BRD10: variants seen among roughly 807,000 people sequenced by gnomAD.
The protein encoded by BRD10 is uncharacterized bromodomain-containing protein 10.
At chr9:6,007,499 G>A in the BRD10 span, 7 of 1,612,546 alleles carry the variant, frequency 4.3e-6, no homozygotes, top group Non-Finnish European at 5.9e-6. Flanking sequence ...GGGGCGGTGA[G>A]GCCCCGGTGC....
chr9:5,987,890 G>A, the BRD10 span, among the ~76,000 whole-genome samples: 2 of 152,068 alleles, frequency 1.3e-5, no homozygotes, highest in African/African-American at 4.8e-5. Flanking sequence ...ACCATTAATT[G>A]AGCACACTTT....
At chr9:5,922,708 T>C in the BRD10 span, 4 of 1,613,992 alleles carry the variant, frequency 2.5e-6, no homozygotes, top group Non-Finnish European at 3.4e-6. Context: ...TGATTTTTTC[T>C]CCTGTTTTAG....
At chr9:5,922,835 C>T in the BRD10 span, 1 of 1,613,828 alleles carries the variant, frequency 6.2e-7, no homozygotes, top group Non-Finnish European at 8.5e-7. Flanking sequence ...ATTGGTGTGG[C>T]AGGTCAATGC....
At chr9:5,921,867 T>A in the BRD10 span, 4 of 1,613,858 alleles carry the variant, frequency 2.5e-6, no homozygotes, top group Non-Finnish European at 3.4e-6. Flanking sequence ...CCACTGCCAG[T>A]GGTGTGGCCT....
At chr9:5,987,655 A>T in the BRD10 span, among the ~76,000 whole-genome samples, 10 of 152,248 alleles carry the variant, frequency 6.6e-5, no homozygotes, top group Non-Finnish European at 7.3e-5. Context: ...AAAATATTAT[A>T]AATTGCCTCT....
At chr9:5,980,694 G>A in the BRD10 span, among the ~76,000 whole-genome samples, 3 of 151,852 alleles carry the variant, frequency 2.0e-5, no homozygotes, top group Non-Finnish European at 4.4e-5. Context: ...GAGAGAGAGA[G>A]AGTAAAAATT....
At chr9:5,971,425 C>A in the BRD10 span, among the ~76,000 whole-genome samples, 1 of 152,096 alleles carries the variant, frequency 6.6e-6, no homozygotes, top group South Asian at 2.1e-4. Context: ...TATAAATGTT[C>A]TTAGCAGTAT....
At chr9:5,909,112 T>C in the BRD10 span, 3 of 229,170 alleles carry the variant, frequency 1.3e-5, no homozygotes, top group East Asian at 3.8e-4. Flanking sequence ...ACAGAATTGT[T>C]CCAGTACTAT....
the BRD10 span, among the ~76,000 whole-genome samples, chr9:5,993,961 T>A: frequency 6.6e-6 from 1 of 152,228 alleles, no homozygotes; most frequent in Admixed American, 6.5e-5. Context: ...ATTTGCATAT[T>A]TGATAGATAA....
At chr9:5,902,030 G>C in the BRD10 span, among the ~76,000 whole-genome samples, 3 of 152,014 alleles carry the variant, frequency 2.0e-5, no homozygotes, top group African/African-American at 7.2e-5. Context: ...ATAGCAATGA[G>C]TTACAAAGTA....
the BRD10 span, among the ~76,000 whole-genome samples, chr9:5,917,966 A>G: frequency 6.6e-6 from 1 of 152,252 alleles, no homozygotes; most frequent in Non-Finnish European, 1.5e-5. Context: ...TTCTTCTGAG[A>G]CAAAAGGCAA....
At chr9:5,912,518 C>G in the BRD10 span, among the ~76,000 whole-genome samples, 1 of 152,158 alleles carries the variant, frequency 6.6e-6, no homozygotes, top group Admixed American at 6.5e-5. Flanking sequence ...CATTCTGATA[C>G]TGAAATCCAG....
chr9:5,991,275 T>C, the BRD10 span, among the ~76,000 whole-genome samples: 3 of 152,102 alleles, frequency 2.0e-5, no homozygotes, highest in Non-Finnish European at 2.9e-5. Context: ...ATACATCTAG[T>C]AGTGTATCTG....
chr9:5,879,782 C>T, the BRD10 span, among the ~76,000 whole-genome samples: 1 of 152,200 alleles, frequency 6.6e-6, no homozygotes, highest in Non-Finnish European at 1.5e-5. Flanking sequence ...GCTTATTTAC[C>T]TGCAGAATGT....
At chr9:5,913,461 G>T in the BRD10 span, among the ~76,000 whole-genome samples, 35 of 152,292 alleles carry the variant, frequency 2.3e-4, no homozygotes, top group African/African-American at 7.9e-4. Context: ...ATAATGGGTT[G>T]TTTGGATGAA....
At chr9:5,952,967 T>A in the BRD10 span, among the ~76,000 whole-genome samples, 30 of 152,286 alleles carry the variant, frequency 2.0e-4, no homozygotes, top group African/African-American at 7.0e-4. Flanking sequence ...AAGAATATCA[T>A]TAAAAATATT....
chr9:5,960,788 G>C, the BRD10 span, among the ~76,000 whole-genome samples: 1 of 151,892 alleles, frequency 6.6e-6, no homozygotes, highest in Non-Finnish European at 1.5e-5. Context: ...ATCTATAATA[G>C]TATATTATTG....
chr9:5,924,301 T>C, the BRD10 span, among the ~76,000 whole-genome samples: 3 of 151,958 alleles, frequency 2.0e-5, no homozygotes, highest in African/African-American at 7.3e-5. Flanking sequence ...TTTTTTTTTT[T>C]TGAGACAGCA....
the BRD10 span, among the ~76,000 whole-genome samples, chr9:5,974,867 G>T: frequency 6.6e-6 from 1 of 152,156 alleles, no homozygotes; most frequent in African/African-American, 2.4e-5. Context: ...TCTTACCTTG[G>T]TAGTAGAGAA....
Sources: gnomAD v4.1 joint callset for allele counts (sites outside exome capture counted in the v4.1 genomes callset) on GRCh38, gnomAD v4.1.1 for gene constraint, MANE v1.5 for transcripts, NCBI Gene and HGNC (gene_info 2026-07-23, HGNC 2026-07-21) for gene names.